SLC9C1: variants seen among roughly 807,000 people sequenced by gnomAD.
The protein encoded by SLC9C1 is solute carrier family 9 member C1.
In SLC9C1, 97 loss-of-function variants were observed where a neutral mutation model predicts 140.9. That is an observed-to-expected ratio of 0.69 (90% confidence interval 0.58 to 0.82). The LOEUF (loss-of-function observed/expected upper bound fraction) is 0.82. Ranked by LOEUF, SLC9C1 falls within the 40% of genes least tolerant of loss-of-function variation. The pLI is 0.00. For synonymous variants in SLC9C1, 440 were observed against 442.6 expected, an observed-to-expected ratio of 0.99 and a Z score of 0.07; for missense variants, 1,340 against 1,389.3, an observed-to-expected ratio of 0.96 and a Z score of 0.56.
intron 28 of SLC9C1, among the ~76,000 whole-genome samples, chr3:112,145,594 T>TG (rs1254597686): frequency 6.8e-6 from 1 of 146,180 alleles, no homozygotes; most frequent in African/African-American, 2.6e-5. Flanking sequence ...CTTGGCTTTT[T>TG]TTTTTTTTTT....
intron 27 of SLC9C1, among the ~76,000 whole-genome samples, chr3:112,154,067 G>A (rs1470698196): frequency 7.2e-6 from 1 of 138,014 alleles, no homozygotes; most frequent in Non-Finnish European, 1.6e-5. Context: ...ATATATTTGT[G>A]AGGAGATGTT....
At chr3:112,235,960 G>A (rs572059570) in intron 12 of SLC9C1, among the ~76,000 whole-genome samples, 6 of 152,274 alleles carry the variant, frequency 3.9e-5, no homozygotes, top group Non-Finnish European at 7.4e-5. Context: ...CCAGGCTTTG[G>A]TATCAGGATG....
chr3:112,157,805 A>T (rs2075170918), intron 26 of SLC9C1, among the ~76,000 whole-genome samples: 1 of 149,780 alleles, frequency 6.7e-6, no homozygotes, highest in African/African-American at 2.5e-5. Context: ...TGCTTTCTTC[A>T]TTTCTTTTTC....
At chr3:112,289,825 A>G (rs910550053) in intron 1 of SLC9C1, among the ~76,000 whole-genome samples, 2 of 152,220 alleles carry the variant, frequency 1.3e-5, no homozygotes, top group African/African-American at 4.8e-5. Flanking sequence ...AATGTAATAT[A>G]AGTGACAGAG....
intron 9 of SLC9C1, among the ~76,000 whole-genome samples, chr3:112,263,820 G>C (rs2079842828): frequency 6.6e-6 from 1 of 151,666 alleles, no homozygotes; most frequent in African/African-American, 2.4e-5. Context: ...TACAAAGAGG[G>C]CTTCCCTATG....
chr3:112,267,444 C>T lies in SLC9C1; in HGVS notation c.776-1104G>A, dbSNP rs562653044. ...ATAAAAAATTAGCCGGGCGTCGTGG[C>T]GGGCACCTGTAGTCCCAGTTACTTG... is the stretch of plus-strand genomic sequence containing the variant. On this transcript the variant is annotated intron_variant, in intron 7 of 28. Transcript: ENST00000305815. Among the ~76,000 whole-genome samples, 10 of 151,550 alleles carry T rather than the reference C, an allele frequency of 6.6e-5. No individual in the cohort carries two copies. In the East Asian group the frequency reaches 1.2e-3, roughly 18 times the overall value.
At chr3:112,190,198 C>T (rs1022293214) in intron 20 of SLC9C1, among the ~76,000 whole-genome samples, 20 of 152,126 alleles carry the variant, frequency 1.3e-4, no homozygotes, top group African/African-American at 4.8e-4. Flanking sequence ...ATTTGACTTC[C>T]TCTTTTCCTA....
intron 15 of SLC9C1, among the ~76,000 whole-genome samples, chr3:112,216,289 G>C (rs903526805): frequency 6.6e-6 from 1 of 152,116 alleles, no homozygotes; most frequent in Non-Finnish European, 1.5e-5. Flanking sequence ...TCAGAACATA[G>C]GCATGGGCAA....
intron 13 of SLC9C1, among the ~76,000 whole-genome samples, chr3:112,227,085 G>T (rs2078702020): frequency 6.6e-6 from 1 of 152,074 alleles, no homozygotes; most frequent in Non-Finnish European, 1.5e-5. Context: ...GGGGGGAATG[G>T]ATAAATTCCT....
rs573510515 is a variant in SLC9C1 at position 112,226,632 on chromosome 3, G to T, written c.1572+4729C>A. On this transcript the variant is annotated intron_variant, in intron 13 of 28. Coordinates refer to ENST00000305815, the MANE Select transcript of SLC9C1 (RefSeq NM_183061.3). ...AGCTACTCAGGAGGCTGATGTAGGA[G>T]AATTGCTTGAATCCAGGAGGTAGAG... Among the ~76,000 whole-genome samples, 64 of 152,236 alleles carry T rather than the reference G, an allele frequency of 4.2e-4. 1 individual carries two copies. The South Asian group carries it at 0.012, about 30-fold the overall frequency.
intron 28 of SLC9C1, among the ~76,000 whole-genome samples, chr3:112,150,523 C>T (rs1466484442): frequency 6.6e-6 from 1 of 151,954 alleles, no homozygotes; most frequent in East Asian, 1.9e-4. Context: ...CCTCATGATT[C>T]CAGTGGGATT....
At position 112,208,047 on chromosome 3, in the gene SLC9C1, G is replaced by A. The variant is rs58698902; in HGVS notation, c.1986+131C>T. 2,061 of 642,576 alleles carry A rather than the reference G, an allele frequency of 3.2e-3. 32 individuals carry two copies. In the African/African-American group the frequency reaches 0.034, roughly 10 times the overall value. The allele number at this position is 642,576 out of a possible 1,614,324, so 39.8% of individuals were successfully genotyped here. A position where few individuals can be genotyped will look rare whatever the true frequency, so the allele number is the denominator to read the frequency against. On this transcript the variant is annotated intron_variant, in intron 16 of 28. Coordinates refer to ENST00000305815, the MANE Select transcript of SLC9C1 (RefSeq NM_183061.3). ...ATAAAAATCACCTTCAAAAATTAAAGTTTGGAGACGTGAGGAAGAAATTCA... is the reference window on the plus strand; with the variant it reads ...ATAAAAATCACCTTCAAAAATTAAAATTTGGAGACGTGAGGAAGAAATTCA...
At chr3:112,265,358 A>G (rs1458605919) in intron 8 of SLC9C1, among the ~76,000 whole-genome samples, 1 of 152,086 alleles carries the variant, frequency 6.6e-6, no homozygotes, top group Non-Finnish European at 1.5e-5. Flanking sequence ...AGCATTTTAA[A>G]TTCTTCCCTC....
At chr3:112,251,329 C>T (rs1356117187) in intron 10 of SLC9C1, among the ~76,000 whole-genome samples, 2 of 152,094 alleles carry the variant, frequency 1.3e-5, no homozygotes, top group Non-Finnish European at 2.9e-5. Flanking sequence ...TGATTCCGGG[C>T]ACCCATTCTT....
intron 10 of SLC9C1, among the ~76,000 whole-genome samples, chr3:112,260,377 A>G (rs1291772608): frequency 6.6e-6 from 1 of 151,822 alleles, no homozygotes; most frequent in East Asian, 1.9e-4. Context: ...ATTCTTGAGT[A>G]TATTTTTTAA....
intron 23 of SLC9C1, among the ~76,000 whole-genome samples, chr3:112,170,391 T>C (rs2077223971): frequency 6.6e-6 from 1 of 152,226 alleles, no homozygotes; most frequent in African/African-American, 2.4e-5. Flanking sequence ...TTTTGAACAT[T>C]GTTTATATAC....
chr3:112,236,774 C>T (rs928219278), intron 12 of SLC9C1, among the ~76,000 whole-genome samples: 6 of 152,140 alleles, frequency 3.9e-5, no homozygotes, highest in Non-Finnish European at 7.4e-5. Context: ...TGTAGTTGAG[C>T]GATTTTGAGT....
chr3:112,266,533 T>C (rs2079923141), intron 7 of SLC9C1, among the ~76,000 whole-genome samples, 193 bp from the exon 8 acceptor site: 1 of 152,180 alleles, frequency 6.6e-6, no homozygotes, highest in Non-Finnish European at 1.5e-5. Flanking sequence ...CTCCAACTTA[T>C]ATCCAATTGT....
chr3:112,233,026 T>TACACAC (rs60551268), intron 12 of SLC9C1, among the ~76,000 whole-genome samples: 2,912 of 134,274 alleles, frequency 0.022, 104 homozygotes, highest in African/African-American at 0.071. Context: ...TTCACTTTCA[T>TACACAC]ACACACACAC....
Sources: gnomAD v4.1 joint callset for allele counts (sites outside exome capture counted in the v4.1 genomes callset) on GRCh38, gnomAD v4.1.1 for gene constraint, MANE v1.5 for transcripts, NCBI Gene and HGNC (gene_info 2026-07-23, HGNC 2026-07-21) for gene names.